Variants in HYDIN observed in about 807,000 individuals in gnomAD.
HYDIN encodes the protein axonemal central pair apparatus protein HYDIN.
HYDIN carries 132 observed loss-of-function variants against 403.9 expected under a neutral mutation model. That is an observed-to-expected ratio of 0.33 (90% CI 0.28 to 0.38). The LOEUF (loss-of-function observed/expected upper bound fraction) is 0.38. Among genes scored for constraint, HYDIN ranks in the 10% least tolerant of loss-of-function variants. The pLI is 1.00. For missense variants in HYDIN, 2,827 were observed against 5,009.5 expected, an observed-to-expected ratio of 0.56 and a Z score of 13.15; for synonymous variants, 1,202 against 1,891.7, an observed-to-expected ratio of 0.64 and a Z score of 9.46.
At chr16:71,003,111 G>A (rs1471533390) in intron 23 of HYDIN, among the ~76,000 whole-genome samples, 1 of 151,914 alleles carries the variant, frequency 6.6e-6, no homozygotes, top group Admixed American at 6.6e-5. Context: ...CCTGTTTCTG[G>A]GGTCTTTGTT....
intron 21 of HYDIN, 35 bp downstream of exon 21, chr16:71,025,348 G>A (rs2080655911): frequency 6.4e-6 from 1 of 156,398 alleles, no homozygotes; most frequent in Non-Finnish European, 1.2e-5. Flanking sequence ...GACCCTAGTC[G>A]AAGCACCCAG....
At chr16:71,034,842 T>A (rs2081034842) in intron 18 of HYDIN, among the ~76,000 whole-genome samples, 1 of 151,944 alleles carries the variant, frequency 6.6e-6, no homozygotes, top group African/African-American at 2.4e-5. Context: ...AAGAGTCCTA[T>A]TATTACTCAT....
intron 12 of HYDIN, among the ~76,000 whole-genome samples, chr16:71,084,807 A>C (rs2082885941): frequency 6.8e-6 from 1 of 147,018 alleles, no homozygotes; most frequent in Non-Finnish European, 1.5e-5. Context: ...TTAATCATAA[A>C]AGGGTGCTAA....
intron 10 of HYDIN, among the ~76,000 whole-genome samples, chr16:71,110,323 A>C (rs1482301442): frequency 1.4e-5 from 2 of 142,152 alleles, no homozygotes; most frequent in South Asian, 2.1e-4. Flanking sequence ...AAAAATTTAT[A>C]TCTAAATAAG....
rs1028145894 is a variant in HYDIN at position 70,923,550 on chromosome 16, C to T, written c.7159-2333G>A. Among the ~76,000 whole-genome samples the T allele has an allele frequency of 3.2e-5, 4 of 124,624 alleles. 1 individual carries two copies. The Admixed American group carries it at 3.3e-4, about 10-fold the overall frequency. 81.8% of individuals were successfully genotyped at this position (124,624 alleles called of 152,430 possible). On this transcript the variant is annotated intron_variant, in intron 45 of 85. Coordinates refer to ENST00000393567, the MANE Select transcript of HYDIN (RefSeq NM_001270974.2). ...AGGTGTGGTGGCTCAAGCCTGTAAT[C>T]CCAGCACTTTGGGAGGCCGAGGTGG... is the stretch of plus-strand genomic sequence containing the variant.
chr16:71,111,571 T>A (rs1317022890), intron 10 of HYDIN, among the ~76,000 whole-genome samples: 1 of 150,384 alleles, frequency 6.6e-6, no homozygotes. Flanking sequence ...ATAGCAGTAA[T>A]GTACCAAGCG....
At chr16:71,089,275 G>A (rs918772435) in intron 11 of HYDIN, among the ~76,000 whole-genome samples, 2 of 152,152 alleles carry the variant, frequency 1.3e-5, no homozygotes, top group East Asian at 1.9e-4. Context: ...CGTCCTACAA[G>A]GCAGGCCTCA....
chr16:71,173,761 C>T (rs2144634528), intron 5 of HYDIN, among the ~76,000 whole-genome samples: 1 of 152,314 alleles, frequency 6.6e-6, no homozygotes, highest in South Asian at 2.1e-4. Context: ...AATTCAGCCA[C>T]ATAATCCTCA....
At position 70,942,011 on chromosome 16, in the gene HYDIN, C is replaced by CTT. The variant is rs143927561; in HGVS notation, c.6670-194_6670-193dup. On this transcript the variant is annotated intron_variant, in intron 42 of 85. Transcript: ENST00000393567. ...GAATAAAAATGTTTAATCAGCCAGT[C>CTT]TTTTTTTTTTTTTTTTTTTTTTTGA... Among the ~76,000 whole-genome samples, 118 of 93,434 alleles carry CTT rather than the reference C, an allele frequency of 1.3e-3. 1 individual carries two copies. Among genetic ancestry groups the CTT allele is most frequent in the East Asian group, 2.8e-3 (10 of 3,548 alleles). The allele number at this position is 93,434 out of a possible 152,430, so 61.3% of individuals were successfully genotyped here.
chr16:70,851,226 AAG>A (rs1567704440), intron 73 of HYDIN, among the ~76,000 whole-genome samples: 2 of 147,038 alleles, frequency 1.4e-5, no homozygotes, highest in Non-Finnish European at 3.0e-5. Context: ...AAAAAAAAAA[AAG>A]AGTAAGAAAG....
At chr16:71,049,100 T>C (rs1379475183) in intron 18 of HYDIN, among the ~76,000 whole-genome samples, 2 of 152,284 alleles carry the variant, frequency 1.3e-5, no homozygotes, top group Non-Finnish European at 2.9e-5. Flanking sequence ...ATAAACATCA[T>C]ATGGGCCACA....
rs1214270431 is a variant in HYDIN at position 71,186,749 on chromosome 16, C to G, written c.135+12G>C. ...ATTAAGTATTTTACATATTAATTCC[C>G]GGATACATTACCATTCGGTTTACTT... On this transcript the variant is annotated intron_variant, in intron 2 of 85. Transcript: ENST00000393567. 3 of 1,606,112 alleles carry G rather than the reference C, an allele frequency of 1.9e-6. No homozygotes were observed. The highest frequency in any genetic ancestry group is 1.3e-5 in the African/African-American group (1 of 74,612).
intron 18 of HYDIN, among the ~76,000 whole-genome samples, chr16:71,052,734 C>T: frequency 1.2e-5 from 1 of 86,054 alleles, no homozygotes; most frequent in Non-Finnish European, 2.2e-5. Context: ...GCCTGTAGTC[C>T]CAGCTACTTG....
intron 38 of HYDIN, among the ~76,000 whole-genome samples, chr16:70,960,211 C>T (rs1215832188): frequency 6.7e-6 from 1 of 150,106 alleles, no homozygotes; most frequent in Non-Finnish European, 1.5e-5. Flanking sequence ...TACACAGCAG[C>T]TATTAAAATG....
chr16:70,853,011 TAAA>T (rs77008189), intron 73 of HYDIN, among the ~76,000 whole-genome samples: 30 of 130,976 alleles, frequency 2.3e-4, no homozygotes, highest in Admixed American at 2.3e-4. Flanking sequence ...CCATCTCTAC[TAAA>T]AAAAAAAAAA....
intron 58 of HYDIN, among the ~76,000 whole-genome samples, chr16:70,888,265 AGTGAT>A (rs1432523545): frequency 1.3e-5 from 2 of 152,264 alleles, no homozygotes; most frequent in African/African-American, 4.8e-5. Context: ...TGGTATGATG[AGTGAT>A]TTTCAACTGA....
intron 1 of HYDIN, among the ~76,000 whole-genome samples, chr16:71,212,878 G>A (rs1214804504): frequency 6.6e-6 from 1 of 152,020 alleles, no homozygotes; most frequent in Non-Finnish European, 1.5e-5. Flanking sequence ...GGAAAAAGTC[G>A]TATCTAGACT....
At chr16:71,042,863 T>G (rs1046070301) in intron 18 of HYDIN, among the ~76,000 whole-genome samples, 2 of 151,946 alleles carry the variant, frequency 1.3e-5, no homozygotes, top group East Asian at 3.9e-4. Context: ...GTGGCTGGCA[T>G]CCTAGGACTG....
intron 60 of HYDIN, among the ~76,000 whole-genome samples, chr16:70,881,589 C>T (rs1328454204): frequency 4.7e-5 from 6 of 128,096 alleles, no homozygotes; most frequent in East Asian, 2.1e-4. Context: ...GCCTGGGCGA[C>T]AGAGCAAGAC....
Sources: allele counts gnomAD v4.1 joint callset (sites outside exome capture counted in the v4.1 genomes callset), GRCh38; gene constraint gnomAD v4.1.1; transcripts MANE v1.5; gene names NCBI Gene and HGNC (gene_info 2026-07-23, HGNC 2026-07-21).